The following FRAS1 variants were observed in gnomAD, a reference collection of about 807,000 sequenced individuals.
FRAS1 encodes extracellular matrix organizing protein FRAS1.
A neutral mutation model predicts 435.2 loss-of-function variants in FRAS1; 290 were observed. The ratio of observed to expected loss-of-function variants is 0.67; its 90% confidence interval spans 0.61 to 0.73. The LOEUF is 0.73. FRAS1 is among the 30% of genes least tolerant of loss of function. The pLI, the probability that FRAS1 is intolerant of heterozygous loss-of-function variation, is 0.00. For missense variants in FRAS1, 4,860 were observed against 5,001.5 expected (o/e 0.97, Z 0.85); for synonymous variants, 1,800 against 1,851.0 (o/e 0.97, Z 0.71).
chr4:78,192,613 G>A (rs997889410), intron 2 of FRAS1, among the ~76,000 whole-genome samples: 1 of 152,132 alleles, frequency 6.6e-6, no homozygotes, highest in Admixed American at 6.5e-5. Flanking sequence ...GGGATAGGTG[G>A]TGATATCCCC....
At chr4:78,140,453 T>G (rs1720112657) in intron 2 of FRAS1, among the ~76,000 whole-genome samples, 1 of 152,106 alleles carries the variant, frequency 6.6e-6, no homozygotes. Context: ...AGGAACTTGT[T>G]GTATGACCAT....
chr4:78,063,717 A>G (rs57455423), intron 1 of FRAS1, among the ~76,000 whole-genome samples: 25,022 of 152,092 alleles, frequency 0.16, 2,337 homozygotes, highest in Non-Finnish European at 0.21. Context: ...GTACTCAGAT[A>G]CTTCTTAAGG....
At chr4:78,407,206 T>C (rs78080966) in intron 30 of FRAS1, among the ~76,000 whole-genome samples, 2,977 of 152,282 alleles carry the variant, frequency 0.02, 97 homozygotes, top group African/African-American at 0.067. Context: ...TTGGACAGAA[T>C]TCTCTCATGA....
chr4:78,167,214 C>T (rs1721366865), intron 2 of FRAS1, among the ~76,000 whole-genome samples: 1 of 152,160 alleles, frequency 6.6e-6, no homozygotes, highest in African/African-American at 2.4e-5. Context: ...TATCTTTCAG[C>T]AGTTACTGAC....
At chr4:78,128,535 G>C (rs1413332462) in intron 2 of FRAS1, among the ~76,000 whole-genome samples, 1 of 152,104 alleles carries the variant, frequency 6.6e-6, no homozygotes, top group East Asian at 1.9e-4. Context: ...GTGTTTTTTG[G>C]CTGCATAAAT....
At chr4:78,387,797 G>A (rs994320964) in intron 29 of FRAS1, 96 bp downstream of exon 29, 2 of 818,068 alleles carry the variant, frequency 2.4e-6, no homozygotes, top group Non-Finnish European at 3.6e-6. Flanking sequence ...TAAGATATGG[G>A]TAGTCATTCA....
chr4:78,334,397 A>T (rs1730082969), intron 19 of FRAS1, among the ~76,000 whole-genome samples: 3 of 98,448 alleles, frequency 3.0e-5, no homozygotes, highest in South Asian at 7.5e-4. Flanking sequence ...TTTGAGACGG[A>T]GTCTTGCTCC....
intron 22 of FRAS1, among the ~76,000 whole-genome samples, chr4:78,364,892 G>T (rs1336147014): frequency 6.6e-6 from 1 of 152,182 alleles, no homozygotes; most frequent in African/African-American, 2.4e-5. Context: ...AGGAGAGTGG[G>T]CTCTAGAGTC....
In FRAS1 at chr4:78,318,975, G is replaced by T. The variant is rs1454890169; in HGVS notation, c.2126G>T (p.Gly709Val). The change falls in exon 18 of 74, where the codon GGC becomes GTC. Residue 709 changes from glycine (G) to valine (V), a missense_variant. By Grantham distance (109) the Gly-to-Val change is moderately radical (BLOSUM62 -3). Coordinates refer to ENST00000512123, the MANE Select transcript of FRAS1 (RefSeq NM_025074.7). ...GCCCATTTTTACTTGGAGAGCACTG[G>T]CATATGTGAAGGTAAGCATGATTTG... ...CRAHFYLEST[G>V]ICEACHQSCF... The T allele has an allele frequency of 1.2e-6, 2 of 1,613,680 alleles. No individual in the cohort carries two copies. The highest frequency in any genetic ancestry group is 1.7e-6 in the Non-Finnish European group (2 of 1,179,746).
intron 2 of FRAS1, among the ~76,000 whole-genome samples, chr4:78,137,247 G>A (rs567862024): frequency 4.6e-5 from 7 of 152,152 alleles, no homozygotes; most frequent in Non-Finnish European, 8.8e-5. Flanking sequence ...GCTCCTACAT[G>A]ATCATAGTCA....
At chr4:78,513,252 A>T in intron 64 of FRAS1, 140 bp from the exon 65 acceptor site, 1 of 741,248 alleles carries the variant, frequency 1.3e-6, no homozygotes, top group Non-Finnish European at 2.2e-6. Flanking sequence ...TTCAGATAGA[A>T]ATCCTACCTG....
chr4:78,389,317 T>C (rs916189507), intron 29 of FRAS1, among the ~76,000 whole-genome samples: 1 of 152,254 alleles, frequency 6.6e-6, no homozygotes, highest in Non-Finnish European at 1.5e-5. Context: ...CTAGAGAGAC[T>C]GGTTTGTTGA....
chr4:78,267,859 A>G (rs927318105), intron 9 of FRAS1, among the ~76,000 whole-genome samples: 9 of 152,244 alleles, frequency 5.9e-5, no homozygotes, highest in African/African-American at 1.9e-4. Flanking sequence ...AACGAGAGCC[A>G]GCACAGAGGG....
chr4:78,148,061 C>G (rs1720489093), intron 2 of FRAS1, among the ~76,000 whole-genome samples: 1 of 152,116 alleles, frequency 6.6e-6, no homozygotes, highest in Non-Finnish European at 1.5e-5. Flanking sequence ...GTCACTTGTT[C>G]ACTCCAAATC....
rs146221546 is a variant in FRAS1, at chr4:78,359,447, C to A, written c.2423-4066C>A. 6.8e-4 allele frequency among the ~76,000 whole-genome samples: 104 copies of A among 152,258 alleles called. 1 individual carries two copies. In the Middle Eastern group the frequency reaches 0.027, roughly 40 times the overall value. On this transcript the variant is annotated intron_variant, in intron 20 of 73. Transcript: ENST00000512123. Reference sequence around the variant, plus strand: ...AAGCCTCTGAAGACAAAAGTGTTCCCTAGGTTTTGGGGACTTATTATTCTT... The same window carrying A: ...AAGCCTCTGAAGACAAAAGTGTTCCATAGGTTTTGGGGACTTATTATTCTT...
intron 3 of FRAS1, among the ~76,000 whole-genome samples, chr4:78,240,898 C>T (rs1399383983): frequency 6.6e-6 from 1 of 152,052 alleles, no homozygotes; most frequent in East Asian, 1.9e-4. Flanking sequence ...ATTATAGTCA[C>T]CAAGGAGAGT....
At chr4:78,151,037 G>C (rs530397304) in intron 2 of FRAS1, among the ~76,000 whole-genome samples, 4 of 152,306 alleles carry the variant, frequency 2.6e-5, no homozygotes, top group Admixed American at 6.5e-5. Flanking sequence ...GTCTGTGGAA[G>C]AGAAGAATGC....
chr4:78,305,260 C>T (rs1313390459), intron 14 of FRAS1, among the ~76,000 whole-genome samples: 1 of 151,898 alleles, frequency 6.6e-6, no homozygotes, highest in East Asian at 1.9e-4. Context: ...TTTACATTTG[C>T]TGAGGAGAGC....
At chr4:78,307,240 G>A (rs1026657338) in intron 14 of FRAS1, among the ~76,000 whole-genome samples, 26 of 152,224 alleles carry the variant, frequency 1.7e-4, no homozygotes, top group Admixed American at 5.9e-4. Context: ...CTCAAGCTGC[G>A]TGCTGGGAGA....
Sources: gnomAD v4.1 joint callset for allele counts (sites outside exome capture counted in the v4.1 genomes callset) on GRCh38, gnomAD v4.1.1 for gene constraint, MANE v1.5 for transcripts, NCBI Gene and HGNC (gene_info 2026-07-23, HGNC 2026-07-21) for gene names.